Variants in MSRB3 observed in about 807,000 individuals in gnomAD.
MSRB3 encodes methionine sulfoxide reductase B3.
MSRB3 carries 13 observed loss-of-function variants against 21.0 expected under a neutral mutation model. That is an observed-to-expected ratio of 0.62 (90% CI 0.40 to 0.98). MSRB3 has a LOEUF of 0.98. Among genes scored for constraint, MSRB3 ranks in the 50% least tolerant of loss-of-function variants. The probability of loss-of-function intolerance (pLI) is 0.00; values close to 1 mark genes in which losing one functional copy is unlikely to be tolerated. For missense variants in MSRB3, 199 were observed against 230.3 expected (o/e 0.86, Z 0.88); for synonymous variants, 87 against 88.6 (o/e 0.98, Z 0.10).
chr12:65,308,440 A>G (rs1873784253), intron 1 of MSRB3, 89 bp from the exon 2 acceptor site: 1 of 1,518,234 alleles, frequency 6.6e-7, no homozygotes, highest in Middle Eastern at 1.7e-4. Context: ...AGTTCCAGAT[A>G]AAACTGTAAC....
chr12:65,396,018 AT>A (rs544155340), intron 5 of MSRB3, among the ~76,000 whole-genome samples: 2 of 151,458 alleles, frequency 1.3e-5, no homozygotes, highest in East Asian at 1.9e-4. Flanking sequence ...TTCTGCTCTA[AT>A]TTTTTTTCTT....
intron 5 of MSRB3, among the ~76,000 whole-genome samples, chr12:65,423,731 T>G (rs549201796): frequency 6.6e-6 from 1 of 152,198 alleles, no homozygotes; most frequent in Admixed American, 6.5e-5. Context: ...TTGTTGAATT[T>G]AGTTTTCTAA....
intron 1 of MSRB3, among the ~76,000 whole-genome samples, chr12:65,299,400 G>T (rs1380620554): frequency 2.0e-5 from 3 of 152,216 alleles, no homozygotes; most frequent in Non-Finnish European, 4.4e-5. Context: ...TGTTAGGTTT[G>T]TCTTCCTCAT....
At position 65,418,783 on chromosome 12, in the gene MSRB3, C is replaced by T. The variant is rs142211062; in HGVS notation, c.293-34945C>T. The T allele has an allele frequency of 9.5e-4, 922 of 968,892 alleles. 8 individuals are homozygous for T. In the African/African-American group the frequency reaches 0.012, roughly 13 times the overall value. The allele number at this position is 968,892 out of a possible 1,614,324, so 60.0% of individuals were successfully genotyped here. The stretch of plus-strand genomic sequence containing the variant: ...CACCACTTTGCCATCCACTGTCTGG[C>T]GGGTGGTGGTCTTTTGGATGGTTTG... On this transcript the variant is annotated intron_variant, in intron 5 of 6. Coordinates refer to ENST00000308259, the MANE Select transcript of MSRB3 (RefSeq NM_001031679.3).
At chr12:65,436,392 A>T (rs1587056) in intron 5 of MSRB3, among the ~76,000 whole-genome samples, 82,522 of 151,640 alleles carry the variant, frequency 0.54, 22,808 homozygotes, top group Non-Finnish European at 0.62. Flanking sequence ...AGAAGCACAT[A>T]TTTACTATAT....
intron 4 of MSRB3, among the ~76,000 whole-genome samples, chr12:65,339,715 G>A (rs1422918168): frequency 6.6e-6 from 1 of 152,040 alleles, no homozygotes; most frequent in Admixed American, 6.6e-5. Flanking sequence ...TAATGGCTAT[G>A]TTTAGCAGCT....
chr12:65,300,550 AG>A (rs1592502370), intron 1 of MSRB3, among the ~76,000 whole-genome samples: 1 of 152,214 alleles, frequency 6.6e-6, no homozygotes, highest in African/African-American at 2.4e-5. Context: ...GGAATGTAGT[AG>A]AAGAGATTAA....
chr12:65,320,816 C>T (rs749509139), intron 2 of MSRB3, among the ~76,000 whole-genome samples: 1 of 152,162 alleles, frequency 6.6e-6, no homozygotes, highest in Non-Finnish European at 1.5e-5. Context: ...GGTTTAAAAG[C>T]ATATGTCTTA....
intron 5 of MSRB3, among the ~76,000 whole-genome samples, chr12:65,415,829 A>C (rs1199646372): frequency 6.6e-6 from 1 of 152,194 alleles, no homozygotes; most frequent in Non-Finnish European, 1.5e-5. Flanking sequence ...ACTGCCTTTC[A>C]TGACCTTAAA....
intron 5 of MSRB3, among the ~76,000 whole-genome samples, chr12:65,409,207 C>T (rs1880588802): frequency 6.6e-6 from 1 of 151,754 alleles, no homozygotes; most frequent in South Asian, 2.1e-4. Context: ...CACACACATA[C>T]ACATACACAC....
At chr12:65,374,592 A>G (rs1878495943) in intron 5 of MSRB3, among the ~76,000 whole-genome samples, 1 of 152,192 alleles carries the variant, frequency 6.6e-6, no homozygotes, top group South Asian at 2.1e-4. Context: ...TACTGTATTC[A>G]AGCGATATCA....
chr12:65,340,002 CA>C (rs1469244262), intron 4 of MSRB3, among the ~76,000 whole-genome samples: 2 of 152,138 alleles, frequency 1.3e-5, no homozygotes, highest in East Asian at 3.9e-4. Context: ...AATTACCAGG[CA>C]TACCAAAGTA....
intron 5 of MSRB3, among the ~76,000 whole-genome samples, chr12:65,371,843 T>C (rs186746865): frequency 3.2e-4 from 49 of 152,308 alleles, no homozygotes; most frequent in African/African-American, 1.1e-3. Flanking sequence ...CAGAATTGCA[T>C]CTTTCTTTTT....
intron 5 of MSRB3, chr12:65,418,988 G>T: frequency 1.4e-6 from 1 of 708,574 alleles, no homozygotes; most frequent in Admixed American, 2.0e-5. Flanking sequence ...TCCAGGTGCA[G>T]CAGGATCCCG....
Position 65,463,188 on chromosome 12 carries a change from G to A in MSRB3, c.424G>A (p.Gly142Arg). Reference protein sequence around the residue: ...GAHLGHIFDDGPRPTGKRYCI... With the variant: ...GAHLGHIFDDRPRPTGKRYCI... ...TCACCTTGGGCACATTTTTGATGAT[G>A]GGCCTCGTCCAACTGGGAAAAGATA... Residue 142 changes from glycine (G) to arginine (R), a missense_variant, in exon 7 of 7, where the codon GGG becomes AGG. Physicochemically the swap from Gly to Arg is moderately radical, Grantham distance 125 (BLOSUM62 -2). Transcript: ENST00000308259. 1 of 1,614,090 alleles carries A rather than the reference G, an allele frequency of 6.2e-7. No homozygotes were observed. Among genetic ancestry groups the A allele is most frequent in the African/African-American group, 1.3e-5 (1 of 75,022 alleles).
At chr12:65,354,916 G>A (rs751455449) in intron 4 of MSRB3, among the ~76,000 whole-genome samples, 50 of 151,854 alleles carry the variant, frequency 3.3e-4, no homozygotes, top group Middle Eastern at 6.8e-3. Context: ...CCCAGAAAAC[G>A]TAGTCATTAT....
At chr12:65,418,240 G>T (rs556154223) in intron 5 of MSRB3, among the ~76,000 whole-genome samples, 12 of 152,274 alleles carry the variant, frequency 7.9e-5, no homozygotes, top group African/African-American at 2.9e-4. Context: ...AAATAGGTGG[G>T]ATTACAGGAG....
At chr12:65,335,405 C>T (rs1442571306) in intron 4 of MSRB3, among the ~76,000 whole-genome samples, 1 of 152,186 alleles carries the variant, frequency 6.6e-6, no homozygotes, top group Non-Finnish European at 1.5e-5. Flanking sequence ...TGCTACATTT[C>T]ACATGAGCCT....
At chr12:65,310,379 A>C (rs1197259673) in intron 2 of MSRB3, among the ~76,000 whole-genome samples, 1 of 152,208 alleles carries the variant, frequency 6.6e-6, no homozygotes, top group Non-Finnish European at 1.5e-5. Context: ...TAGAACTGAC[A>C]AGGTTTGTCT....
Sources: allele counts gnomAD v4.1 joint callset (sites outside exome capture counted in the v4.1 genomes callset), GRCh38; gene constraint gnomAD v4.1.1; transcripts MANE v1.5; gene names NCBI Gene and HGNC (gene_info 2026-07-23, HGNC 2026-07-21).